The following PTPRM variants were observed in gnomAD, a reference collection of about 807,000 sequenced individuals.
PTPRM encodes the protein receptor-type tyrosine-protein phosphatase mu.
Under a neutral mutation model 186.7 loss-of-function variants are expected in PTPRM, and 47 were observed. The ratio of observed to expected loss-of-function variants is 0.25; its 90% CI spans 0.20 to 0.32. The LOEUF is 0.32. PTPRM is among the 10% of genes least tolerant of loss of function. The pLI is 1.00. For missense variants in PTPRM, 1,494 were observed against 1,865.0 expected (o/e 0.80, Z 3.66); for synonymous variants, 668 against 674.9 (o/e 0.99, Z 0.16).
At chr18:7,615,421 G>A (rs1353256446) in intron 1 of PTPRM, among the ~76,000 whole-genome samples, 1 of 152,126 alleles carries the variant, frequency 6.6e-6, no homozygotes, top group African/African-American at 2.4e-5. Flanking sequence ...GGTGGTTGAG[G>A]CTTTCTAGCT....
intron 7 of PTPRM, among the ~76,000 whole-genome samples, chr18:8,025,370 G>C (rs2148005403): frequency 6.6e-6 from 1 of 152,276 alleles, no homozygotes; most frequent in Middle Eastern, 3.4e-3. Context: ...CTCTTCTTTT[G>C]TCAAATAGAG....
chr18:8,118,577 A>G (rs2145776921), intron 13 of PTPRM, among the ~76,000 whole-genome samples: 1 of 152,232 alleles, frequency 6.6e-6, no homozygotes, highest in African/African-American at 2.4e-5. Context: ...AAACAAGAGG[A>G]CCACCTGAGG....
At chr18:7,975,113 A>C (rs999495769) in intron 7 of PTPRM, among the ~76,000 whole-genome samples, 1 of 152,230 alleles carries the variant, frequency 6.6e-6, no homozygotes. Flanking sequence ...ACTGCCACAC[A>C]TCAAATGCTG....
chr18:7,784,403 T>C (rs1023373705), intron 2 of PTPRM, among the ~76,000 whole-genome samples: 3 of 152,074 alleles, frequency 2.0e-5, no homozygotes, highest in Non-Finnish European at 4.4e-5. Context: ...TGAAGCTGCC[T>C]GCTGTAACCT....
At chr18:8,163,763 T>A (rs990495309) in intron 14 of PTPRM, among the ~76,000 whole-genome samples, 1 of 152,230 alleles carries the variant, frequency 6.6e-6, no homozygotes, top group African/African-American at 2.4e-5. Flanking sequence ...TTATGTGCAG[T>A]GTAACATGCT....
intron 1 of PTPRM, among the ~76,000 whole-genome samples, chr18:7,607,706 G>A (rs1459268935): frequency 1.3e-5 from 2 of 152,192 alleles, no homozygotes; most frequent in East Asian, 1.9e-4. Flanking sequence ...TCTGTGATAC[G>A]TGCTAGGCTG....
At chr18:8,176,561 A>G (rs565262920) in intron 14 of PTPRM, among the ~76,000 whole-genome samples, 165 of 152,330 alleles carry the variant, frequency 1.1e-3, no homozygotes, top group African/African-American at 3.7e-3. Context: ...AGCTTAACCC[A>G]AAAGAAAGTT....
At chr18:8,323,781 C>T (rs1374374488) in intron 22 of PTPRM, among the ~76,000 whole-genome samples, 1 of 152,070 alleles carries the variant, frequency 6.6e-6, no homozygotes, top group Non-Finnish European at 1.5e-5. Context: ...CGCTTGTGCC[C>T]CCAACCATGT....
At chr18:8,203,797 A>G (rs2093890488) in intron 14 of PTPRM, among the ~76,000 whole-genome samples, 1 of 152,172 alleles carries the variant, frequency 6.6e-6, no homozygotes, top group African/African-American at 2.4e-5. Flanking sequence ...GCAAAGATTC[A>G]TTTTTGTCAT....
chr18:8,252,428 G>A, intron 17 of PTPRM, 60 bp from the exon 18 acceptor site: 1 of 1,355,190 alleles, frequency 7.4e-7, no homozygotes, highest in Non-Finnish European at 1.1e-6. Context: ...CAGTACTATT[G>A]CTTATGCCCT....
intron 7 of PTPRM, among the ~76,000 whole-genome samples, chr18:8,046,990 G>C (rs1360886595): frequency 6.6e-6 from 1 of 152,068 alleles, no homozygotes; most frequent in Non-Finnish European, 1.5e-5. Flanking sequence ...GTGACCACTA[G>C]ACCAAATAAA....
chr18:7,843,993 CATG>C (rs1363456595), intron 2 of PTPRM, among the ~76,000 whole-genome samples: 3 of 152,162 alleles, frequency 2.0e-5, no homozygotes, highest in Non-Finnish European at 4.4e-5. Flanking sequence ...TTCCTCACAA[CATG>C]ATGACTTGAT....
chr18:8,390,913 G>A (rs1474657645), intron 31 of PTPRM, among the ~76,000 whole-genome samples: 7 of 147,724 alleles, frequency 4.7e-5, no homozygotes, highest in African/African-American at 1.7e-4. Context: ...GGGCGACAGA[G>A]CAAGACTCTG....
At chr18:7,842,947 T>TAGAGAGAGAGAGAGAGAGAGAGAGAGAG (rs1555616950) in intron 2 of PTPRM, among the ~76,000 whole-genome samples, 1 of 112,132 alleles carries the variant, frequency 8.9e-6, no homozygotes, top group African/African-American at 4.2e-5. Context: ...TATATATATA[T>TAGAGAGAGAGAGAGAGAGAGAGAGAGAG]AGAGAGAGAG....
chr18:7,680,473 T>C (rs185694913), intron 1 of PTPRM, among the ~76,000 whole-genome samples: 10 of 152,298 alleles, frequency 6.6e-5, no homozygotes, highest in African/African-American at 1.9e-4. Flanking sequence ...AATATAAGAA[T>C]ATATTGTCAT....
intron 13 of PTPRM, among the ~76,000 whole-genome samples, chr18:8,127,258 A>G (rs1418678757): frequency 6.6e-6 from 1 of 152,162 alleles, no homozygotes; most frequent in Non-Finnish European, 1.5e-5. Context: ...TGCAGCCAGC[A>G]TGGAGGAGCA....
intron 2 of PTPRM, among the ~76,000 whole-genome samples, chr18:7,806,481 G>C (rs149516933): frequency 6.6e-6 from 1 of 152,186 alleles, no homozygotes; most frequent in Non-Finnish European, 1.5e-5. Context: ...ATTAATCACA[G>C]ACTAATTTGG....
intron 2 of PTPRM, among the ~76,000 whole-genome samples, chr18:7,800,768 G>A (rs1399432675): frequency 1.3e-5 from 2 of 152,200 alleles, no homozygotes; most frequent in Non-Finnish European, 2.9e-5. Flanking sequence ...AACCTAGATA[G>A]TAGAGCCTAT....
chr18:8,146,025 C>CTTTTTTTTTT (rs33980345), intron 14 of PTPRM, among the ~76,000 whole-genome samples: 1 of 109,880 alleles, frequency 9.1e-6, no homozygotes, highest in African/African-American at 3.3e-5. Context: ...TCTTTCTTTT[C>CTTTTTTTTTT]TTTTTTTTTT....
Sources: allele counts gnomAD v4.1 joint callset (sites outside exome capture counted in the v4.1 genomes callset), GRCh38; gene constraint gnomAD v4.1.1; transcripts MANE v1.5; gene names NCBI Gene and HGNC (gene_info 2026-07-23, HGNC 2026-07-21).